The following PCDHGA4 variants were observed in gnomAD, a reference collection of about 807,000 sequenced individuals.
The protein encoded by PCDHGA4 is protocadherin gamma subfamily A, 4.
A neutral mutation model predicts 54.6 loss-of-function variants in PCDHGA4; 38 were observed. The ratio of observed to expected loss-of-function variants is 0.70; its 90% CI spans 0.54 to 0.91. PCDHGA4 has a LOEUF of 0.91. Among genes scored for constraint, PCDHGA4 ranks in the 40% least tolerant of loss-of-function variants. The probability of loss-of-function intolerance (pLI) is 0.00; values close to 1 mark genes in which losing one functional copy is unlikely to be tolerated. For missense variants in PCDHGA4, 1,298 were observed against 1,220.9 expected, an observed-to-expected ratio of 1.06 and a Z score of -0.94; for synonymous variants, 511 against 512.9, an observed-to-expected ratio of 1.00 and a Z score of 0.05.
At chr5:141,390,096 C>G in intron 1 of PCDHGA4, 1 of 1,614,030 alleles carries the variant, frequency 6.2e-7, no homozygotes, top group Non-Finnish European at 8.5e-7. Context: ...ATCCGTGGTT[C>G]CCCCCAACTA....
intron 1 of PCDHGA4, among the ~76,000 whole-genome samples, chr5:141,459,111 A>G (rs2098961190): frequency 1.3e-5 from 2 of 152,218 alleles, no homozygotes; most frequent in Non-Finnish European, 2.9e-5. Flanking sequence ...CATTTTGACA[A>G]TTGTTTACAT....
intron 1 of PCDHGA4, chr5:141,374,322 G>A: frequency 6.2e-7 from 1 of 1,613,980 alleles, no homozygotes; most frequent in Middle Eastern, 1.7e-4. Context: ...CTGAATCCGC[G>A]AAACGGCAGC....
chr5:141,430,617 C>G, intron 1 of PCDHGA4: 1 of 715,450 alleles, frequency 1.4e-6, no homozygotes, highest in South Asian at 3.9e-5. Context: ...AAGCAGATAG[C>G]TAGGAATGAA....
At chr5:141,437,668 G>A (rs72790049) in intron 1 of PCDHGA4, among the ~76,000 whole-genome samples, 16,651 of 151,822 alleles carry the variant, frequency 0.11, 1,007 homozygotes, top group African/African-American at 0.17. Context: ...TCGAAGAGAT[G>A]TTGATCAAAC....
intron 1 of PCDHGA4, chr5:141,478,419 G>A (rs2530208): frequency 3.7e-6 from 6 of 1,613,632 alleles, no homozygotes; most frequent in South Asian, 2.2e-5. Context: ...GACTCCCGCC[G>A]CAGCGACCCG....
intron 1 of PCDHGA4, chr5:141,421,506 G>T: frequency 6.2e-7 from 1 of 1,614,076 alleles, no homozygotes; most frequent in Non-Finnish European, 8.5e-7. Context: ...GGATAGACCG[G>T]GAGGAGCTCT....
chr5:141,372,577 A>C (rs550513861), intron 1 of PCDHGA4: 1 of 1,614,006 alleles, frequency 6.2e-7, no homozygotes, highest in African/African-American at 1.3e-5. Context: ...GGCTACTTTC[A>C]GCCTGGTGTC....
chr5:141,370,449 C>A (rs376611019), intron 1 of PCDHGA4: 1 of 1,608,576 alleles, frequency 6.2e-7, no homozygotes, highest in African/African-American at 1.3e-5. Context: ...AATGCTATTT[C>A]TCTTCCTGCT....
intron 1 of PCDHGA4, among the ~76,000 whole-genome samples, chr5:141,492,862 G>A (rs2099744602): frequency 6.6e-6 from 1 of 152,198 alleles, no homozygotes. Context: ...GAGCGCCCTG[G>A]CTCTCAACCC....
intron 1 of PCDHGA4, chr5:141,405,207 C>A (rs767001796): frequency 6.2e-7 from 1 of 1,613,292 alleles, no homozygotes; most frequent in Non-Finnish European, 8.5e-7. Flanking sequence ...TTCCTACAGA[C>A]CTATTCTCAG....
intron 1 of PCDHGA4, chr5:141,383,858 A>C (rs1368399969): frequency 1.2e-6 from 2 of 1,613,996 alleles, no homozygotes. Flanking sequence ...ATGGAGGTTC[A>C]GGCTCAAGAT....
chr5:141,503,894 T>C (rs898125492), intron 2 of PCDHGA4, among the ~76,000 whole-genome samples: 2 of 152,144 alleles, frequency 1.3e-5, no homozygotes, highest in African/African-American at 4.8e-5. Flanking sequence ...CATGACAAAA[T>C]ATGCACACAC....
In PCDHGA4 at chr5:141,485,234, T is replaced by A. The variant is rs780126313; in HGVS notation, c.2515-9573T>A. 1 of 1,614,124 alleles carries A rather than the reference T, an allele frequency of 6.2e-7. No homozygotes were observed. The highest frequency in any genetic ancestry group is 1.1e-5 in the South Asian group (1 of 91,080). On this transcript the variant is annotated intron_variant, in intron 1 of 3. Transcript: ENST00000571252. This position sits in a 1 kb window ranked among gnomAD's most constrained non-coding sequence, Gnocchi z 5.7. ...GCGGTGGGCTACCCTTTTGTTCCTC[T>A]TTTACCACCTGGGTTACGTTTGTGG...
chr5:141,360,850 C>T (rs762068366), intron 1 of PCDHGA4: 4 of 1,613,866 alleles, frequency 2.5e-6, no homozygotes, highest in East Asian at 2.2e-5. Context: ...CAACGATAAC[C>T]CTCCAGTGTT....
chr5:141,403,262 G>C (rs1162911439), intron 1 of PCDHGA4: 1 of 1,613,868 alleles, frequency 6.2e-7, no homozygotes, highest in Middle Eastern at 1.6e-4. Context: ...GCGGTGTCTG[G>C]TGAACTTTAA....
chr5:141,393,400 T>A (rs1427213486), intron 1 of PCDHGA4: 5 of 1,614,024 alleles, frequency 3.1e-6, no homozygotes, highest in Non-Finnish European at 4.2e-6. Context: ...GAGCTGGTGC[T>A]GGAGCGCGCC....
chr5:141,384,847 G>A (rs781186343), intron 1 of PCDHGA4: 9 of 1,613,590 alleles, frequency 5.6e-6, no homozygotes, highest in Admixed American at 3.3e-5. Flanking sequence ...CCAGGACCAC[G>A]GTCAGCCTCC....
At position 141,389,550 on chromosome 5, in the gene PCDHGA4, A is replaced by T. The variant is rs767434946; in HGVS notation, c.2514+31929A>T. The T allele has an allele frequency of 3.7e-6, 6 of 1,613,098 alleles. No individual in the cohort carries two copies. The African/African-American group carries it at 4.0e-5, about 11-fold the overall frequency. On this transcript the variant is annotated intron_variant, in intron 1 of 3. Transcript: ENST00000571252. ...CGTGTTAGTGGACGACCGCAACGAC[A>T]ATGCGCCACGGGTGCTGTACCCCGC...
intron 1 of PCDHGA4, chr5:141,427,083 C>T: frequency 2.2e-6 from 1 of 458,128 alleles, no homozygotes; most frequent in South Asian, 1.5e-5. Flanking sequence ...AGCCACTGAC[C>T]AGGATGAGGG....
Sources: allele counts gnomAD v4.1 joint callset (sites outside exome capture counted in the v4.1 genomes callset), GRCh38; gene constraint gnomAD v4.1.1; non-coding constraint Gnocchi (gnomAD v3.1); transcripts MANE v1.5; gene names NCBI Gene and HGNC (gene_info 2026-07-23, HGNC 2026-07-21).